The following FYCO1 variants were observed in gnomAD, a reference collection of about 807,000 sequenced individuals.
FYCO1 encodes the protein FYVE and coiled-coil domain-containing protein 1.
FYCO1 carries 122 observed loss-of-function variants against 165.1 expected under a neutral mutation model. The observed-to-expected ratio is 0.74, with a 90% CI of 0.64 to 0.86. FYCO1 has a LOEUF of 0.86. FYCO1 is among the 40% of genes least tolerant of loss of function. The pLI, the probability that FYCO1 is intolerant of heterozygous loss-of-function variation, is 0.00. For missense variants in FYCO1, 1,702 were observed against 1,810.3 expected (o/e 0.94, Z 1.09); for synonymous variants, 648 against 742.5 (o/e 0.87, Z 2.07).
At chr3:45,965,211 C>T in intron 8 of FYCO1, 86 bp from the exon 9 acceptor site, 2 of 1,026,778 alleles carry the variant, frequency 1.9e-6, no homozygotes, top group Middle Eastern at 2.0e-4. Flanking sequence ...ACAGATAAAA[C>T]CAAGCTAACT....
intron 16 of FYCO1, among the ~76,000 whole-genome samples, chr3:45,929,843 A>G (rs1703505409): frequency 6.6e-6 from 1 of 152,200 alleles, no homozygotes; most frequent in Non-Finnish European, 1.5e-5. Flanking sequence ...AGATTCCAAC[A>G]GGGCAGGATG....
chr3:45,938,163 T>C (rs1181988244), intron 14 of FYCO1: 2 of 1,251,164 alleles, frequency 1.6e-6, no homozygotes, highest in Non-Finnish European at 2.1e-6. Flanking sequence ...CCCTCCTCCC[T>C]GACCACAGTG....
chr3:45,995,130 G>A (rs1707744413), intron 1 of FYCO1, among the ~76,000 whole-genome samples: 1 of 151,666 alleles, frequency 6.6e-6, no homozygotes, highest in Non-Finnish European at 1.5e-5. Context: ...AGGTGTTTCG[G>A]GAAAAGACCC....
rs1429828412 is a variant in FYCO1 at position 45,955,336 on chromosome 3, T to C, written c.3857A>G (p.Glu1286Gly). 1.2e-6 allele frequency: 2 copies of C among 1,614,024 alleles called. No homozygotes were observed. Among genetic ancestry groups the C allele is most frequent in the African/African-American group, 2.7e-5 (2 of 74,906 alleles). The change falls in exon 14 of 18, where the codon GAG becomes GGG. Residue 1286 changes from glutamate to glycine, a missense_variant. Transcript: ENST00000296137. Reference sequence around the variant, plus strand: ...GGACTCCTGTATCTGGCACAATTCCTCATCTGTGATGATATCAAACACAGC... The same window carrying C: ...GGACTCCTGTATCTGGCACAATTCCCCATCTGTGATGATATCAAACACAGC... ...DDAVFDIITD[E>G]ELCQIQESGS...
At chr3:45,978,279 A>C (rs1019381739) in intron 4 of FYCO1, among the ~76,000 whole-genome samples, 5 of 152,212 alleles carry the variant, frequency 3.3e-5, no homozygotes, top group Admixed American at 6.5e-5. Flanking sequence ...AAGAGAGGAG[A>C]GTGACAAAGA....
At chr3:45,973,025 C>T (rs746651730) in intron 6 of FYCO1, 63 bp downstream of exon 6, 14 of 1,576,626 alleles carry the variant, frequency 8.9e-6, no homozygotes, top group Non-Finnish European at 1.2e-5. Context: ...AGACTGGTGG[C>T]AATCTTCAAA....
chr3:45,964,577 T>C lies in FYCO1; in HGVS notation c.3151-123A>G. The C allele has an allele frequency of 6.5e-7, 1 of 1,537,512 alleles. No homozygotes were observed. Among genetic ancestry groups the C allele is most frequent in the South Asian group, 1.2e-5 (1 of 84,094 alleles). ...CACTTCTAAATGGAGGGTTGTTTCC[T>C]ATTAAGTTCAAGAGGCCATGAACCT... On this transcript the variant is annotated intron_variant, in intron 9 of 17. Transcript: ENST00000296137. The surrounding 1 kb of genome is among the most constrained non-coding windows in gnomAD (Gnocchi z 4.1).
rs114590623 is a variant in FYCO1 at position 45,980,675 on chromosome 3, C to T, written c.163-845G>A. 7.2e-3 allele frequency among the ~76,000 whole-genome samples: 1,099 copies of T among 152,296 alleles called. 12 individuals carry two copies. The highest frequency in any genetic ancestry group is 0.025 in the African/African-American group (1,037 of 41,570). ...TTTCCTCTAGTGGGCCCGCATACTACGTGCTTTGGTGGGATGTGACGTTGC... is the reference window on the plus strand; with the variant it reads ...TTTCCTCTAGTGGGCCCGCATACTATGTGCTTTGGTGGGATGTGACGTTGC... On this transcript the variant is annotated intron_variant, in intron 3 of 17. Transcript: ENST00000296137.
At chr3:45,989,566 C>T (rs1440736397) in intron 1 of FYCO1, among the ~76,000 whole-genome samples, 1 of 152,228 alleles carries the variant, frequency 6.6e-6, no homozygotes, top group Non-Finnish European at 1.5e-5. Flanking sequence ...GGTGACCCAA[C>T]CCCTTGGACC....
chr3:45,930,640 G>T (rs899570904), intron 16 of FYCO1, among the ~76,000 whole-genome samples: 2 of 152,208 alleles, frequency 1.3e-5, no homozygotes, highest in Admixed American at 6.5e-5. Flanking sequence ...TGACATTGGG[G>T]TTGTCTCTAC....
chr3:45,967,839 C>T lies in FYCO1; in HGVS notation c.1495G>A (p.Glu499Lys), dbSNP rs1290306689. The change falls in exon 8 of 18, where the codon GAG becomes AAG. Residue 499 changes from glutamate to lysine, a missense_variant. Physicochemically the swap from Glu to Lys is moderately conservative, Grantham distance 56. Coordinates refer to ENST00000296137, the MANE Select transcript of FYCO1 (RefSeq NM_024513.4). Reference sequence around the variant, plus strand: ...TCCTGCTCCAGCAGCTCCTTCTCCTCCTGTTGCTGTTTTTTCTCCCGCCTC... The same window carrying T: ...TCCTGCTCCAGCAGCTCCTTCTCCTTCTGTTGCTGTTTTTTCTCCCGCCTC... ...ELRREKKQQQ[E>K]EKELLEQEVR... The T allele has an allele frequency of 6.2e-7, 1 of 1,613,998 alleles. No individual in the cohort carries two copies. The highest frequency in any genetic ancestry group is 1.3e-5 in the African/African-American group (1 of 74,904).
At chr3:45,934,341 T>C (rs972011865) in intron 15 of FYCO1, among the ~76,000 whole-genome samples, 3 of 152,208 alleles carry the variant, frequency 2.0e-5, no homozygotes, top group Admixed American at 2.0e-4. Context: ...CCAAGACCCA[T>C]CATAATTAAA....
chr3:45,986,110 A>C (rs1174686311), intron 1 of FYCO1, among the ~76,000 whole-genome samples: 1 of 152,242 alleles, frequency 6.6e-6, no homozygotes, highest in Non-Finnish European at 1.5e-5. Flanking sequence ...TGCTCAGAGG[A>C]GTCATGTAAC....
At chr3:45,947,528 A>G (rs759056992) in intron 14 of FYCO1, 3 of 1,600,370 alleles carry the variant, frequency 1.9e-6, no homozygotes, top group African/African-American at 2.7e-5. Flanking sequence ...CAGGGTTTCG[A>G]GAAGCTGCTC....
chr3:45,967,679 A>G lies in FYCO1; in HGVS notation c.1655T>C (p.Met552Thr), dbSNP rs1706156031. Reference protein sequence around the residue: ...DKDHLSQQVGMLERLAGPPGP... With the variant: ...DKDHLSQQVGTLERLAGPPGP... ...AGGCGGCCCAGCAAGCCGCTCGAGC[A>G]TACCCACCTGCTGGCTGAGGTGGTC... Residue 552 changes from methionine (M) to threonine (T), a missense_variant, in exon 8 of 18, where the codon ATG (methionine) becomes ACG (threonine). Transcript: ENST00000296137. The G allele has an allele frequency of 3.1e-6, 5 of 1,613,930 alleles. No homozygotes were observed. The highest frequency in any genetic ancestry group is 4.2e-6 in the Non-Finnish European group (5 of 1,180,028).
intron 1 of FYCO1, among the ~76,000 whole-genome samples, chr3:45,989,608 G>C (rs1707475471): frequency 6.6e-6 from 1 of 152,182 alleles, no homozygotes; most frequent in Non-Finnish European, 1.5e-5. Context: ...CTGCATGCCT[G>C]GGTCATCTTT....
At chr3:45,963,130 T>A (rs1705796032) in intron 10 of FYCO1, among the ~76,000 whole-genome samples, 1 of 151,876 alleles carries the variant, frequency 6.6e-6, no homozygotes, top group African/African-American at 2.4e-5. Flanking sequence ...ACCTTCCACA[T>A]CTAGTATAAA....
chr3:45,921,658 G>A lies in FYCO1; in HGVS notation c.*107C>T. 1.2e-6 allele frequency: 1 copy of A among 804,918 alleles called. No homozygotes were observed. Among genetic ancestry groups the A allele is most frequent in the Non-Finnish European group, 2.2e-6 (1 of 459,958 alleles). 49.9% of individuals were successfully genotyped at this position (804,918 alleles called of 1,614,324 possible). ...GCCTCTGAGGGGCAGCCCAGGGGCT[G>A]AGTTGATGATTTTGGAGCAGCTGAC... On this transcript the variant is annotated 3_prime_UTR_variant, in exon 18 of 18. Transcript: ENST00000296137.
chr3:45,970,355 T>C (rs1414236256), intron 6 of FYCO1, among the ~76,000 whole-genome samples: 1 of 152,180 alleles, frequency 6.6e-6, no homozygotes, highest in African/African-American at 2.4e-5. Context: ...ATCTCCTAAA[T>C]CTAAAATTAT....
Sources: gnomAD v4.1 joint callset for allele counts (sites outside exome capture counted in the v4.1 genomes callset) on GRCh38, gnomAD v4.1.1 for gene constraint, Gnocchi (gnomAD v3.1) non-coding constraint, MANE v1.5 for transcripts, NCBI Gene and HGNC (gene_info 2026-07-23, HGNC 2026-07-21) for gene names.